Variants in PTPN4 observed in about 807,000 individuals in gnomAD.
PTPN4 encodes the protein tyrosine-protein phosphatase non-receptor type 4.
In PTPN4, 49 loss-of-function variants were observed where a neutral mutation model predicts 135.5. The observed-to-expected ratio is 0.36, with a 90% CI of 0.29 to 0.46. The LOEUF is 0.46. Ranked by LOEUF, PTPN4 falls within the 20% of genes least tolerant of loss-of-function variation. The pLI is 1.00. For missense variants in PTPN4, 860 were observed against 1,101.0 expected, an observed-to-expected ratio of 0.78 and a Z score of 3.10; for synonymous variants, 333 against 369.9, an observed-to-expected ratio of 0.90 and a Z score of 1.14.
chr2:119,860,112 G>A (rs576738243), intron 2 of PTPN4, among the ~76,000 whole-genome samples: 14 of 152,294 alleles, frequency 9.2e-5, no homozygotes, highest in Admixed American at 2.0e-4. Flanking sequence ...TTCAACCAAA[G>A]GTACATTGGA....
At chr2:119,950,192 TC>T (rs1200583919) in intron 18 of PTPN4, among the ~76,000 whole-genome samples, 1 of 152,158 alleles carries the variant, frequency 6.6e-6, no homozygotes, top group Non-Finnish European at 1.5e-5. Flanking sequence ...TATTACATTT[TC>T]CCCAGTACCA....
intron 2 of PTPN4, among the ~76,000 whole-genome samples, chr2:119,859,013 T>G (rs1677721755): frequency 1.3e-5 from 2 of 152,182 alleles, no homozygotes; most frequent in Non-Finnish European, 2.9e-5. Context: ...TTTCTTATCT[T>G]TATTCTTTTG....
intron 2 of PTPN4, among the ~76,000 whole-genome samples, chr2:119,810,740 T>C (rs1691561050): frequency 6.6e-6 from 1 of 152,190 alleles, no homozygotes. Context: ...TGAAATAATA[T>C]TATAATGAAT....
chr2:119,844,626 C>T (rs910464943), intron 2 of PTPN4, among the ~76,000 whole-genome samples: 2 of 149,864 alleles, frequency 1.3e-5, no homozygotes, highest in Non-Finnish European at 3.0e-5. Context: ...GGCAGCGGGG[C>T]AGAGGCGCTC....
chr2:119,835,105 A>G (rs1677272186), intron 2 of PTPN4, among the ~76,000 whole-genome samples: 1 of 152,142 alleles, frequency 6.6e-6, no homozygotes, highest in African/African-American at 2.4e-5. Context: ...AATGGAGTCT[A>G]TTGTCACTTC....
chr2:119,961,047 G>A, intron 23 of PTPN4, 94 bp downstream of exon 23: 2 of 1,350,262 alleles, frequency 1.5e-6, no homozygotes, highest in Admixed American at 2.7e-5. Flanking sequence ...TTAAGCCTTT[G>A]TAACCTTTAA....
chr2:119,828,423 A>G (rs1462626117), intron 2 of PTPN4, among the ~76,000 whole-genome samples: 2 of 152,256 alleles, frequency 1.3e-5, no homozygotes, highest in African/African-American at 4.8e-5. Flanking sequence ...AAAATGCATC[A>G]TTGCATGAAT....
At chr2:119,910,426 A>G (rs1416479616) in intron 10 of PTPN4, among the ~76,000 whole-genome samples, 1 of 152,148 alleles carries the variant, frequency 6.6e-6, no homozygotes, top group Non-Finnish European at 1.5e-5. Flanking sequence ...GGCTGTACCA[A>G]TATCCAGAAT....
chr2:119,875,612 C>A (rs1558751474), intron 3 of PTPN4, among the ~76,000 whole-genome samples: 2 of 152,156 alleles, frequency 1.3e-5, no homozygotes, highest in Non-Finnish European at 2.9e-5. Context: ...GAAAACCCTA[C>A]CCCCAGCTAT....
chr2:119,868,019 C>T (rs561443918), intron 3 of PTPN4, among the ~76,000 whole-genome samples: 3 of 152,196 alleles, frequency 2.0e-5, no homozygotes, highest in South Asian at 2.1e-4. Flanking sequence ...AGGAAAATAC[C>T]GAAGATACTG....
intron 10 of PTPN4, among the ~76,000 whole-genome samples, chr2:119,911,540 A>T (rs139562597): frequency 1.5e-4 from 23 of 152,290 alleles, no homozygotes; most frequent in African/African-American, 4.8e-4. Flanking sequence ...ATCTGCTAAT[A>T]TTATACAAAA....
At chr2:119,770,714 A>G in intron 1 of PTPN4, among the ~76,000 whole-genome samples, 1 of 151,956 alleles carries the variant, frequency 6.6e-6, no homozygotes, top group Non-Finnish European at 1.5e-5. Flanking sequence ...TCTATTGTAT[A>G]GATATACTAT....
chr2:119,899,293 C>G (rs72838971), intron 9 of PTPN4, among the ~76,000 whole-genome samples: 28 of 152,264 alleles, frequency 1.8e-4, no homozygotes, highest in African/African-American at 6.5e-4. Context: ...CACAGCTGCT[C>G]CCTACCTGAT....
chr2:119,910,995 C>T (rs1444740098), intron 10 of PTPN4, among the ~76,000 whole-genome samples: 1 of 152,062 alleles, frequency 6.6e-6, no homozygotes, highest in African/African-American at 2.4e-5. Context: ...AGAAAAGAAA[C>T]TTGAATAGAT....
chr2:119,908,896 G>T (rs149237618), intron 10 of PTPN4, among the ~76,000 whole-genome samples: 1 of 152,256 alleles, frequency 6.6e-6, no homozygotes, highest in African/African-American at 2.4e-5. Context: ...TGTTGATATG[G>T]AGAGTATCTT....
At chr2:119,765,933 T>TGTGTGTGTGTGC (rs1553430617) in intron 1 of PTPN4, among the ~76,000 whole-genome samples, 40 of 151,152 alleles carry the variant, frequency 2.6e-4, no homozygotes, top group Non-Finnish European at 4.4e-4. Flanking sequence ...TGTGTGTGTG[T>TGTGTGTGTGTGC]GCGCGCGCGC....
intron 2 of PTPN4, among the ~76,000 whole-genome samples, chr2:119,813,034 G>T (rs185927100): frequency 4.6e-5 from 7 of 152,226 alleles, no homozygotes; most frequent in African/African-American, 1.4e-4. Flanking sequence ...CAGGGATTCC[G>T]TGAGTCAGAG....
intron 26 of PTPN4, among the ~76,000 whole-genome samples, chr2:119,974,234 G>C (rs1431998775): frequency 6.6e-6 from 1 of 152,062 alleles, no homozygotes; most frequent in Non-Finnish European, 1.5e-5. Flanking sequence ...GTTTTGAGAT[G>C]GAGTTTCGCT....
At chr2:119,946,309 A>C (rs1179208081) in intron 16 of PTPN4, 32 bp from the exon 17 acceptor site, 6 of 1,497,980 alleles carry the variant, frequency 4.0e-6, no homozygotes. Flanking sequence ...AAGTGAAGAA[A>C]ATTACAAGTT....
Sources: gnomAD v4.1 joint callset for allele counts (sites outside exome capture counted in the v4.1 genomes callset) on GRCh38, gnomAD v4.1.1 for gene constraint, MANE v1.5 for transcripts, NCBI Gene and HGNC (gene_info 2026-07-23, HGNC 2026-07-21) for gene names.